The following PDE4D variants were observed in gnomAD, a reference collection of about 807,000 sequenced individuals.
PDE4D encodes the protein phosphodiesterase 4D, also known as 3',5'-cyclic-AMP phosphodiesterase 4D.
In PDE4D, 24 loss-of-function variants were observed where a neutral mutation model predicts 87.4. That is an observed-to-expected ratio of 0.27 (90% confidence interval 0.20 to 0.39). The LOEUF is 0.39. PDE4D is among the 10% of genes least tolerant of loss of function. The pLI, the probability that PDE4D is intolerant of heterozygous loss-of-function variation, is 1.00. For missense variants in PDE4D, 714 were observed against 1,041.0 expected (o/e 0.69, Z 4.32); for synonymous variants, 384 against 383.2 (o/e 1.00, Z -0.02).
intron 5 of PDE4D, among the ~76,000 whole-genome samples, chr5:59,101,800 T>C (rs1770778269): frequency 1.3e-5 from 2 of 152,100 alleles, no homozygotes; most frequent in South Asian, 2.1e-4. Flanking sequence ...CAGGGTCACA[T>C]TTAAGTAGGA....
intron 2 of PDE4D, among the ~76,000 whole-genome samples, chr5:60,031,577 A>T (rs1449383073): frequency 2.0e-5 from 3 of 152,220 alleles, no homozygotes; most frequent in Non-Finnish European, 4.4e-5. Flanking sequence ...AGCAGATGTC[A>T]GTCAGCTAGC....
At chr5:60,337,522 T>G (rs956386326) in intron 1 of PDE4D, among the ~76,000 whole-genome samples, 1 of 151,446 alleles carries the variant, frequency 6.6e-6, no homozygotes, top group Admixed American at 6.6e-5. Flanking sequence ...ATACATTAAT[T>G]CTGGTGGTAT....
At chr5:59,533,077 A>C (rs1222327624) in intron 1 of PDE4D, among the ~76,000 whole-genome samples, 1 of 152,184 alleles carries the variant, frequency 6.6e-6, no homozygotes, top group Non-Finnish European at 1.5e-5. Flanking sequence ...TTAAGGTAGG[A>C]CTAGAACATA....
At chr5:59,673,090 C>T (rs1004596252) in intron 1 of PDE4D, among the ~76,000 whole-genome samples, 1 of 152,166 alleles carries the variant, frequency 6.6e-6, no homozygotes, top group Non-Finnish European at 1.5e-5. Flanking sequence ...TCCACCTTCA[C>T]GAGTGTATAT....
At chr5:59,768,337 A>G (rs1479821915) in intron 1 of PDE4D, 4 of 1,598,220 alleles carry the variant, frequency 2.5e-6, no homozygotes, top group Non-Finnish European at 3.4e-6. Context: ...TCTCGGAGAG[A>G]TCACTGGAGA....
chr5:59,424,669 C>T (rs145563368), intron 1 of PDE4D, among the ~76,000 whole-genome samples: 58 of 152,220 alleles, frequency 3.8e-4, no homozygotes, highest in African/African-American at 1.3e-3. Context: ...GGGGAAACTG[C>T]CCCCATGATT....
At chr5:59,831,351 G>A (rs971729669) in intron 1 of PDE4D, among the ~76,000 whole-genome samples, 2 of 134,648 alleles carry the variant, frequency 1.5e-5, no homozygotes, top group Non-Finnish European at 3.2e-5. Context: ...AAAAAAACCG[G>A]GCAAATAAGA....
chr5:59,075,865 A>G (rs1765611993), intron 5 of PDE4D, among the ~76,000 whole-genome samples: 1 of 152,036 alleles, frequency 6.6e-6, no homozygotes, highest in Non-Finnish European at 1.5e-5. Context: ...AAAGACCCAT[A>G]CTATCTTTTC....
At chr5:59,500,420 C>T (rs1413311271) in intron 1 of PDE4D, among the ~76,000 whole-genome samples, 1 of 152,150 alleles carries the variant, frequency 6.6e-6, no homozygotes, top group Admixed American at 6.5e-5. Flanking sequence ...AAATACTATA[C>T]AGCCATAAAA....
chr5:60,452,947 A>G (rs1746209072), intron 1 of PDE4D, among the ~76,000 whole-genome samples: 1 of 152,166 alleles, frequency 6.6e-6, no homozygotes, highest in African/African-American at 2.4e-5. Context: ...ATGCCTCCAC[A>G]ATCCTGAGAT....
intron 1 of PDE4D, among the ~76,000 whole-genome samples, chr5:59,703,047 C>A (rs934899958): frequency 6.6e-6 from 1 of 152,044 alleles, no homozygotes; most frequent in African/African-American, 2.4e-5. Flanking sequence ...AATCCTAAAG[C>A]GTCACATAGA....
chr5:59,801,623 C>T (rs776742240), intron 1 of PDE4D, among the ~76,000 whole-genome samples: 3 of 152,184 alleles, frequency 2.0e-5, no homozygotes, highest in Non-Finnish European at 4.4e-5. Context: ...GACACAGAGT[C>T]ATTACAACCA....
chr5:59,999,600 C>T (rs1025543941), intron 2 of PDE4D, among the ~76,000 whole-genome samples: 6 of 149,442 alleles, frequency 4.0e-5, no homozygotes, highest in African/African-American at 1.2e-4. Flanking sequence ...TAAAAGTCTT[C>T]CCCTGTATGA....
chr5:59,290,003 A>C (rs1053677478), intron 1 of PDE4D, among the ~76,000 whole-genome samples: 1 of 151,912 alleles, frequency 6.6e-6, no homozygotes, highest in African/African-American at 2.4e-5. Flanking sequence ...ACTATCAAAT[A>C]CTAATGGAAA....
intron 5 of PDE4D, among the ~76,000 whole-genome samples, chr5:59,168,923 C>T (rs13357070): frequency 0.24 from 36,136 of 152,058 alleles, 4,564 homozygotes; most frequent in African/African-American, 0.29. Flanking sequence ...GGAATAGCAA[C>T]GGTGTCTACC....
At chr5:59,357,125 A>G (rs772641090) in intron 1 of PDE4D, 7 of 347,622 alleles carry the variant, frequency 2.0e-5, no homozygotes, top group Non-Finnish European at 3.6e-5. Context: ...ACTCCCTCGA[A>G]AATTTGTTTT....
intron 1 of PDE4D, among the ~76,000 whole-genome samples, chr5:59,216,381 C>T (rs1359867878): frequency 6.6e-6 from 1 of 152,134 alleles, no homozygotes; most frequent in Non-Finnish European, 1.5e-5. Context: ...TCTCCCTCCA[C>T]ACTCCTACCC....
At chr5:59,909,094 C>A (rs1753160376) in intron 3 of PDE4D, among the ~76,000 whole-genome samples, 1 of 152,010 alleles carries the variant, frequency 6.6e-6, no homozygotes, top group African/African-American at 2.4e-5. Context: ...CTATTTCTTC[C>A]CTTTGATTTC....
rs1264859196 is a variant in PDE4D, at chr5:58,973,117, A to T, written c.*1547T>A. 1 of 152,180 alleles carries T rather than the reference A, an allele frequency of 6.6e-6. No individual in the cohort carries two copies. Among genetic ancestry groups the T allele is most frequent in the African/African-American group, 2.4e-5 (1 of 41,438 alleles). The allele number at this position is 152,180 out of a possible 1,614,324, so 9.4% of individuals were successfully genotyped here. Reference sequence around the variant, plus strand: ...TGATATAGTTCTTAATCCCATGGTGAAATCATTAAAACCAAATAGGATTAG... The same window carrying T: ...TGATATAGTTCTTAATCCCATGGTGTAATCATTAAAACCAAATAGGATTAG... On this transcript the variant is annotated 3_prime_UTR_variant, in exon 15 of 15. Transcript: ENST00000340635.
Sources: gnomAD v4.1 joint callset for allele counts (sites outside exome capture counted in the v4.1 genomes callset) on GRCh38, gnomAD v4.1.1 for gene constraint, MANE v1.5 for transcripts, NCBI Gene and HGNC (gene_info 2026-07-23, HGNC 2026-07-21) for gene names.